Variants in IST1 observed in about 807,000 individuals in gnomAD.
IST1 encodes the protein IST1 homolog.
A neutral mutation model predicts 37.0 loss-of-function variants in IST1; 23 were observed. That is an observed-to-expected ratio of 0.62 (90% confidence interval 0.45 to 0.88). The LOEUF (loss-of-function observed/expected upper bound fraction) is 0.88, where lower values mean the gene tolerates loss of function less well. Among genes scored for constraint, IST1 ranks in the 40% least tolerant of loss-of-function variants. The probability of loss-of-function intolerance (pLI) is 0.00; values close to 1 mark genes in which losing one functional copy is unlikely to be tolerated. For missense variants in IST1, 488 were observed against 445.4 expected (o/e 1.10, Z -0.86); for synonymous variants, 180 against 161.7 (o/e 1.11, Z -0.86).
chr16:71,895,458 A>G, upstream of IST1: 1 of 924,476 alleles, frequency 1.1e-6, no homozygotes, highest in Non-Finnish European at 1.3e-6. Context: ...ATCCCTGGAA[A>G]GGAGGGCGTG....
intron 1 of IST1, among the ~76,000 whole-genome samples, chr16:71,912,193 A>G (rs1224401113): frequency 6.6e-6 from 1 of 152,096 alleles, no homozygotes; most frequent in Non-Finnish European, 1.5e-5. Flanking sequence ...TTTCCATACA[A>G]AATAATTTTA....
At chr16:71,903,348 C>G (rs1169495616) in intron 1 of IST1, 1 of 152,092 alleles carries the variant, frequency 6.6e-6, no homozygotes, top group Non-Finnish European at 1.5e-5. Context: ...CTACATCCCA[C>G]AAATTCGTTA....
At chr16:71,913,489 T>C (rs1037151517) in intron 1 of IST1, among the ~76,000 whole-genome samples, 3 of 152,104 alleles carry the variant, frequency 2.0e-5, no homozygotes, top group African/African-American at 7.2e-5. Flanking sequence ...TTACATGCAA[T>C]TAGCTCTTGG....
At chr16:71,912,745 T>C (rs747612311) in intron 1 of IST1, among the ~76,000 whole-genome samples, 1 of 152,210 alleles carries the variant, frequency 6.6e-6, no homozygotes, top group African/African-American at 2.4e-5. Context: ...TCTGTACTCA[T>C]TAAACAATTC....
Position 71,924,777 on chromosome 16 carries a change from CATTAATGCTGAT to C in IST1, c.863_874del (p.Ile288_Asp291del). 6.2e-7 allele frequency: 1 copy of C among 1,608,650 alleles called. No individual in the cohort carries two copies. The highest frequency in any genetic ancestry group is 8.5e-7 in the Non-Finnish European group (1 of 1,174,968). ...CAATCTTTGTGTTTCAGGTAGATGA[CATTAATGCTGAT>C]AAGAATATCTCTTCTGCACAGATTG... On this transcript the variant is annotated inframe_deletion, in exon 9 of 10. Coordinates refer to ENST00000378799, the MANE Select transcript of IST1 (RefSeq NM_001270975.2).
intron 1 of IST1, among the ~76,000 whole-genome samples, chr16:71,902,715 A>G (rs886328462): frequency 4.6e-5 from 7 of 152,156 alleles, no homozygotes; most frequent in African/African-American, 1.4e-4. Context: ...TATCGCCTTT[A>G]AAAGTCTTTA....
rs2037917116 is a variant in IST1, at chr16:71,930,647, TTTAG to T, written c.*2836_*2839del. The T allele has an allele frequency of 6.6e-6, 1 of 152,444 alleles. No homozygotes were observed. Among genetic ancestry groups the T allele is most frequent in the Non-Finnish European group, 1.5e-5 (1 of 68,224 alleles). 9.4% of individuals were successfully genotyped at this position (152,444 alleles called of 1,614,324 possible). A position where few individuals can be genotyped will look rare whatever the true frequency, so the allele number is the denominator to read the frequency against. ...CAGGTTGGCCACAGAAAACTGGCTT[TTTAG>T]TATTTTTTTTTTTCCATTGTCATTT... is the stretch of plus-strand genomic sequence containing the variant. On this transcript the variant is annotated 3_prime_UTR_variant, in exon 10 of 10. Transcript: ENST00000378799.
At chr16:71,923,904 G>A (rs527468671) in intron 8 of IST1, among the ~76,000 whole-genome samples, 1 of 152,148 alleles carries the variant, frequency 6.6e-6, no homozygotes, top group East Asian at 1.9e-4. Flanking sequence ...ACTGTAGGTG[G>A]TTCAGGTTAC....
chr16:71,914,595 C>A (rs1299011037), intron 1 of IST1, among the ~76,000 whole-genome samples: 1 of 152,112 alleles, frequency 6.6e-6, no homozygotes, highest in Non-Finnish European at 1.5e-5. Context: ...ATAAATGCCC[C>A]ATTTTAACCT....
Position 71,929,217 on chromosome 16 carries a change from T to C in IST1, c.*1404T>C, listed in dbSNP as rs770283292. 241 of 214,966 alleles carry C rather than the reference T, an allele frequency of 1.1e-3. 1 individual carries two copies. Among genetic ancestry groups the C allele is most frequent in the Non-Finnish European group, 1.8e-3 (194 of 106,678 alleles). The allele number at this position is 214,966 out of a possible 1,614,324, so 13.3% of individuals were successfully genotyped here. A position where few individuals can be genotyped will look rare whatever the true frequency, so the allele number is the denominator to read the frequency against. On this transcript the variant is annotated 3_prime_UTR_variant, in exon 10 of 10. Transcript: ENST00000378799. Reference sequence around the variant, plus strand: ...CAGTGGCAGGGCTCCGCATCTGCCATGCCTCATCCTTGGATGTTTATTTTT... The same window carrying C: ...CAGTGGCAGGGCTCCGCATCTGCCACGCCTCATCCTTGGATGTTTATTTTT...
At position 71,927,931 on chromosome 16, in the gene IST1, T is replaced by TCCCTCTGGG. The variant is rs1567477442; in HGVS notation, c.*120_*128dup. ...TGTTAACCGTCACTCAGCACAACAC[T>TCCCTCTGGG]CCCTCTGGGCTCTCTTCCTGCTCCT... On this transcript the variant is annotated 3_prime_UTR_variant, in exon 10 of 10. Coordinates refer to ENST00000378799, the MANE Select transcript of IST1 (RefSeq NM_001270975.2). The TCCCTCTGGG allele has an allele frequency of 6.9e-6, 5 of 727,928 alleles. No individual in the cohort carries two copies. Among genetic ancestry groups the TCCCTCTGGG allele is most frequent in the Non-Finnish European group, 9.5e-6 (4 of 421,482 alleles). The allele number at this position is 727,928 out of a possible 1,614,324, so 45.1% of individuals were successfully genotyped here.
At chr16:71,895,639 T>A (rs1208402776) in intron 1 of IST1, 50 bp downstream of exon 1, 2 of 782,868 alleles carry the variant, frequency 2.6e-6, no homozygotes, top group Non-Finnish European at 3.1e-6. Flanking sequence ...CTCTTCTCTC[T>A]GCGCTCCTGA....
intron 1 of IST1, among the ~76,000 whole-genome samples, chr16:71,914,974 C>T (rs779726613): frequency 6.6e-6 from 1 of 152,096 alleles, no homozygotes; most frequent in African/African-American, 2.4e-5. Context: ...AGTGAAATTC[C>T]TGGTAAAGAG....
chr16:71,900,080 C>T (rs534392661), intron 1 of IST1, among the ~76,000 whole-genome samples: 10 of 150,476 alleles, frequency 6.6e-5, no homozygotes, highest in Non-Finnish European at 1.2e-4. Flanking sequence ...GCAGGAGAAT[C>T]GCTTGGACCT....
chr16:71,921,084 G>C, intron 5 of IST1: 2 of 601,476 alleles, frequency 3.3e-6, no homozygotes, highest in South Asian at 3.8e-5. Flanking sequence ...GAGGTGGGGA[G>C]AAGGGTGGAT....
chr16:71,913,099 G>C (rs986093024), intron 1 of IST1, among the ~76,000 whole-genome samples: 1 of 152,102 alleles, frequency 6.6e-6, no homozygotes, highest in Non-Finnish European at 1.5e-5. Context: ...TCTGCTTTCC[G>C]TTCTTTTGGA....
At chr16:71,916,378 T>C in intron 2 of IST1, 84 bp from the exon 3 acceptor site, 2 of 1,336,800 alleles carry the variant, frequency 1.5e-6, no homozygotes, top group Non-Finnish European at 2.1e-6. Context: ...AAACACCCAG[T>C]TCTTCCTGTT....
chr16:71,915,382 C>T (rs894984631), intron 1 of IST1, among the ~76,000 whole-genome samples: 4 of 152,162 alleles, frequency 2.6e-5, no homozygotes, highest in African/African-American at 9.7e-5. Context: ...GAGCTATTAC[C>T]ATCTCTTGTC....
rs79068134 is a variant in IST1, at chr16:71,929,563, G to A, written c.*1750G>A. 5.8e-6 allele frequency: 9 copies of A among 1,551,180 alleles called. No individual in the cohort carries two copies. In the East Asian group the frequency reaches 2.2e-4, roughly 38 times the overall value. ...TTAAGGTAGTTCATCTAAAACTTCA[G>A]TGTCACTGCCCACTGCTGTCGTGGC... On this transcript the variant is annotated 3_prime_UTR_variant, in exon 10 of 10. Transcript: ENST00000378799.
Sources: gnomAD v4.1 joint callset for allele counts (sites outside exome capture counted in the v4.1 genomes callset) on GRCh38, gnomAD v4.1.1 for gene constraint, MANE v1.5 for transcripts, NCBI Gene and HGNC (gene_info 2026-07-23, HGNC 2026-07-21) for gene names.